CWF19L2: variants seen among roughly 807,000 people sequenced by gnomAD.
CWF19L2 encodes the protein CWF19 like cell cycle control factor 2, also known as CWF19-like protein 2.
Under a neutral mutation model 111.7 loss-of-function variants are expected in CWF19L2, and 98 were observed. That is an observed-to-expected ratio of 0.88 (90% confidence interval 0.75 to 1.04). CWF19L2 has a LOEUF of 1.04. Among genes scored for constraint, CWF19L2 ranks in the 50% least tolerant of loss-of-function variants. CWF19L2 has a pLI of 0.00. For synonymous variants in CWF19L2, 351 were observed against 342.9 expected (o/e 1.02, Z -0.26); for missense variants, 1,101 against 1,051.4 (o/e 1.05, Z -0.65).
chr11:107,344,595 AT>A (rs1196338808), intron 14 of CWF19L2, among the ~76,000 whole-genome samples: 10 of 152,146 alleles, frequency 6.6e-5, no homozygotes, highest in Non-Finnish European at 1.5e-4. Context: ...TGTCATTCAA[AT>A]TGTACTTTCC....
intron 3 of CWF19L2, among the ~76,000 whole-genome samples, chr11:107,451,977 T>C (rs566792747): frequency 6.6e-6 from 1 of 152,284 alleles, no homozygotes; most frequent in Admixed American, 6.5e-5. Context: ...ACATCATGCT[T>C]AAATGTAAAA....
intron 8 of CWF19L2, among the ~76,000 whole-genome samples, chr11:107,420,904 C>A (rs1861294622): frequency 6.6e-6 from 1 of 151,998 alleles, no homozygotes; most frequent in East Asian, 1.9e-4. Context: ...ACAGAATCAG[C>A]AAGCATAAGG....
intron 12 of CWF19L2, among the ~76,000 whole-genome samples, chr11:107,376,188 A>G (rs1159738930): frequency 2.4e-5 from 3 of 124,568 alleles, no homozygotes; most frequent in African/African-American, 3.4e-5. Context: ...CAGAGGTACA[A>G]GGAGGAACTG....
At chr11:107,386,187 A>G (rs1860763740) in intron 12 of CWF19L2, among the ~76,000 whole-genome samples, 1 of 151,960 alleles carries the variant, frequency 6.6e-6, no homozygotes, top group Non-Finnish European at 1.5e-5. Context: ...CTGATTTTTT[A>G]TTTTTTGTAG....
chr11:107,329,874 A>G (rs764734501), intron 17 of CWF19L2, 44 bp downstream of exon 17: 2 of 1,412,178 alleles, frequency 1.4e-6, no homozygotes. Flanking sequence ...GAAAAATGTT[A>G]CCAAATTGCT....
chr11:107,364,592 G>C (rs2134563197), intron 12 of CWF19L2, among the ~76,000 whole-genome samples: 1 of 138,056 alleles, frequency 7.2e-6, no homozygotes, highest in Admixed American at 7.0e-5. Context: ...ATAACGAAAT[G>C]AAAGCAGAAA....
chr11:107,381,852 A>T (rs1223321215), intron 12 of CWF19L2, among the ~76,000 whole-genome samples: 3 of 152,186 alleles, frequency 2.0e-5, no homozygotes, highest in African/African-American at 7.2e-5. Flanking sequence ...AGAGAAAATA[A>T]ATCAGTAAAA....
chr11:107,350,015 T>C (rs750075971), intron 13 of CWF19L2, among the ~76,000 whole-genome samples: 1 of 151,920 alleles, frequency 6.6e-6, no homozygotes, highest in African/African-American at 2.4e-5. Flanking sequence ...TAAGTTGTAA[T>C]AAAATTCATT....
At chr11:107,364,299 A>G (rs1456723209) in intron 12 of CWF19L2, among the ~76,000 whole-genome samples, 1 of 145,982 alleles carries the variant, frequency 6.9e-6, no homozygotes, top group African/African-American at 2.6e-5. Context: ...CCAGGAATTG[A>G]ACTCAGCTCT....
At chr11:107,455,451 G>C (rs1420563144) in intron 2 of CWF19L2, among the ~76,000 whole-genome samples, 1 of 152,076 alleles carries the variant, frequency 6.6e-6, no homozygotes, top group Non-Finnish European at 1.5e-5. Flanking sequence ...TCTTCTACTA[G>C]CCAAACTCAA....
At chr11:107,432,944 CTATAAA>C (rs1200264225) in intron 7 of CWF19L2, among the ~76,000 whole-genome samples, 1 of 151,958 alleles carries the variant, frequency 6.6e-6, no homozygotes, top group Non-Finnish European at 1.5e-5. Context: ...AAGGAAAAGC[CTATAAA>C]TATATTAAAA....
At chr11:107,418,163 T>C (rs759404451) in intron 9 of CWF19L2, 31 bp downstream of exon 9, 1 of 1,316,722 alleles carries the variant, frequency 7.6e-7, no homozygotes, top group South Asian at 1.2e-5. Flanking sequence ...ATTTAATCAT[T>C]ATTCTCTAAA....
intron 6 of CWF19L2, 59 bp from the exon 7 acceptor site, chr11:107,433,808 T>C (rs1861499052): frequency 1.5e-6 from 1 of 646,112 alleles, no homozygotes; most frequent in African/African-American, 1.9e-5. Context: ...ACAATTAATA[T>C]GTATTGCTTC....
rs1410141713 is a variant in CWF19L2, at chr11:107,371,235, C to T, written c.1873-17499G>A. 4.5e-4 allele frequency among the ~76,000 whole-genome samples: 62 copies of T among 136,712 alleles called. 3 individuals are homozygous for T. The highest frequency in any genetic ancestry group is 4.4e-3 in the Admixed American group (62 of 14,024). 89.7% of individuals were successfully genotyped at this position (136,712 alleles called of 152,430 possible). Reference sequence around the variant, plus strand: ...AGCCAGGATGGTATCGACCTCCTGACCTCGTGATCTGCCCGCCTCGGCCTC... The same window carrying T: ...AGCCAGGATGGTATCGACCTCCTGATCTCGTGATCTGCCCGCCTCGGCCTC... On this transcript the variant is annotated intron_variant, in intron 12 of 17. Coordinates refer to ENST00000282251, the MANE Select transcript of CWF19L2 (RefSeq NM_152434.3).
intron 8 of CWF19L2, 46 bp from the exon 9 acceptor site, chr11:107,418,333 T>A (rs1195003892): frequency 8.2e-7 from 1 of 1,217,006 alleles, no homozygotes; most frequent in South Asian, 1.2e-5. Context: ...ATAGGTGCGA[T>A]GCAAGCAATA....
Position 107,442,375 on chromosome 11 carries a change from C to A in CWF19L2, c.450+564G>T, listed in dbSNP as rs924765505. ...ATTCATTTATTCTCAAAAGTTGATA[C>A]TTTTTTCTTTAAAACCAAGTGATAG... On this transcript the variant is annotated intron_variant, in intron 4 of 17. Coordinates refer to ENST00000282251, the MANE Select transcript of CWF19L2 (RefSeq NM_152434.3). Among the ~76,000 whole-genome samples the A allele has an allele frequency of 7.9e-5, 12 of 152,126 alleles. 1 individual carries two copies. Among genetic ancestry groups the A allele is most frequent in the African/African-American group, 2.7e-4 (11 of 41,494 alleles).
intron 10 of CWF19L2, among the ~76,000 whole-genome samples, chr11:107,399,476 G>A (rs372834272): frequency 1.3e-5 from 2 of 152,204 alleles, no homozygotes; most frequent in Admixed American, 6.5e-5. Context: ...AAGAGACAAA[G>A]AGGGACAGTA....
chr11:107,450,196 G>C (rs1861758806), intron 3 of CWF19L2, among the ~76,000 whole-genome samples: 1 of 151,872 alleles, frequency 6.6e-6, no homozygotes, highest in Non-Finnish European at 1.5e-5. Flanking sequence ...TTAAGGTCAA[G>C]ACTTTGAGAC....
intron 6 of CWF19L2, among the ~76,000 whole-genome samples, chr11:107,434,395 C>T (rs1157153250): frequency 6.6e-6 from 1 of 152,012 alleles, no homozygotes; most frequent in Non-Finnish European, 1.5e-5. Context: ...TTACACATCA[C>T]GCTTTGGATA....
Sources: gnomAD v4.1 joint callset for allele counts (sites outside exome capture counted in the v4.1 genomes callset) on GRCh38, gnomAD v4.1.1 for gene constraint, MANE v1.5 for transcripts, NCBI Gene and HGNC (gene_info 2026-07-23, HGNC 2026-07-21) for gene names.